The following UBE3B variants were observed in gnomAD, a reference collection of about 807,000 sequenced individuals.
The protein encoded by UBE3B is ubiquitin protein ligase E3B.
UBE3B carries 80 observed loss-of-function variants against 132.3 expected under a neutral mutation model. The observed-to-expected ratio is 0.60, with a 90% CI of 0.50 to 0.73. UBE3B has a LOEUF of 0.73. UBE3B is among the 30% of genes least tolerant of loss of function. The probability of loss-of-function intolerance (pLI) is 0.00; values close to 1 mark genes in which losing one functional copy is unlikely to be tolerated. For synonymous variants in UBE3B, 487 were observed against 520.4 expected (o/e 0.94, Z 0.87); for missense variants, 1,196 against 1,362.5 (o/e 0.88, Z 1.92).
chr12:109,511,502 C>T (rs995081742), intron 18 of UBE3B, among the ~76,000 whole-genome samples, 199 bp downstream of exon 18: 11 of 152,060 alleles, frequency 7.2e-5, no homozygotes, highest in Non-Finnish European at 8.8e-5. Flanking sequence ...TGTGAACTGG[C>T]GATGCTGGTG....
intron 1 of UBE3B, among the ~76,000 whole-genome samples, chr12:109,480,633 A>G (rs1317741982): frequency 6.7e-6 from 1 of 149,444 alleles, no homozygotes; most frequent in Non-Finnish European, 1.5e-5. Context: ...CTTGGATGAC[A>G]GAGCGAGACC....
At chr12:109,527,078 A>G (rs1035312982) in intron 24 of UBE3B, among the ~76,000 whole-genome samples, 1 of 152,236 alleles carries the variant, frequency 6.6e-6, no homozygotes. Context: ...GGGGAGGGGC[A>G]GATCATTTTG....
At chr12:109,531,088 A>G (rs1466792461) in intron 26 of UBE3B, among the ~76,000 whole-genome samples, 5 of 151,990 alleles carry the variant, frequency 3.3e-5, no homozygotes, top group Admixed American at 3.3e-4. Flanking sequence ...AACTCTCTAC[A>G]CTCCTACTCA....
Position 109,521,434 on chromosome 12 carries a change from C to G in UBE3B, c.2254-7C>G. On this transcript the variant is annotated splice_polypyrimidine_tract_variant and splice_region_variant and intron_variant, in intron 20 of 27. Coordinates refer to ENST00000342494, the MANE Select transcript of UBE3B (RefSeq NM_130466.4). The surrounding 1 kb of genome is among the most constrained non-coding windows in gnomAD (Gnocchi z 4.2). The stretch of plus-strand genomic sequence containing the variant: ...CCTCTGCCTCTCCCCGTCTTTTTGC[C>G]TTGCAGACAACCAGTGGGGATGAGA... 6.3e-7 allele frequency: 1 copy of G among 1,578,632 alleles called. No homozygotes were observed. Among genetic ancestry groups the G allele is most frequent in the East Asian group, 2.3e-5 (1 of 44,242 alleles).
At chr12:109,538,291 A>C (rs1169326789), downstream of UBE3B, among the ~76,000 whole-genome samples, 1 of 152,226 alleles carries the variant, frequency 6.6e-6, no homozygotes, top group Non-Finnish European at 1.5e-5. This position sits in a 1 kb window ranked among gnomAD's most constrained non-coding sequence, Gnocchi z 4.1. Context: ...GACCCCCTTA[A>C]GCCTCAGGCT....
In UBE3B at chr12:109,510,442, G is replaced by T; in HGVS notation, c.1840G>T (p.Asp614Tyr). The T allele has an allele frequency of 6.2e-7, 1 of 1,611,906 alleles. No individual in the cohort carries two copies. Among genetic ancestry groups the T allele is most frequent in the South Asian group, 1.1e-5 (1 of 90,430 alleles). ...CTGCCGGCGGCGCTTCACCCCCGAG[G>T]ACCACTGGCTGCGAAAGTGAGCTCC... is the stretch of plus-strand genomic sequence containing the variant. ...RDCRRRFTPE[D>Y]HWLRKDLKPS... The change falls in exon 17 of 28, where the codon GAC becomes TAC. Residue 614 changes from aspartate (D) to tyrosine (Y), a missense_variant. By Grantham distance (160) the Asp-to-Tyr change is radical. Coordinates refer to ENST00000342494, the MANE Select transcript of UBE3B (RefSeq NM_130466.4).
chr12:109,511,308 G>A lies in UBE3B; in HGVS notation c.1956+5G>A. 1 of 1,613,802 alleles carries A rather than the reference G, an allele frequency of 6.2e-7. No individual in the cohort carries two copies. On this transcript the variant is annotated splice_donor_5th_base_variant and intron_variant, in intron 18 of 27. Transcript: ENST00000342494. ...CATGTCATCCCTCACAAAAACGTGA[G>A]TTGCACTCAGAGCTGGGCCCCGATG... is the stretch of plus-strand genomic sequence containing the variant.
intron 4 of UBE3B, 71 bp downstream of exon 4, chr12:109,484,052 C>G: frequency 6.8e-7 from 1 of 1,478,288 alleles, no homozygotes. Flanking sequence ...GATATTAACT[C>G]AGTTCTTATA....
At chr12:109,488,901 T>G (rs1876959198) in intron 7 of UBE3B, among the ~76,000 whole-genome samples, 1 of 152,204 alleles carries the variant, frequency 6.6e-6, no homozygotes, top group Non-Finnish European at 1.5e-5. Flanking sequence ...AAAGTCATGG[T>G]TCTTCTGATT....
chr12:109,502,872 A>G, intron 13 of UBE3B, 151 bp from the exon 14 acceptor site: 1 of 926,410 alleles, frequency 1.1e-6, no homozygotes, highest in Non-Finnish European at 1.7e-6. Flanking sequence ...TTTCTAATTT[A>G]TCCCAAAGAA....
At chr12:109,519,171 G>A (rs891008351) in intron 19 of UBE3B, among the ~76,000 whole-genome samples, 1 of 152,186 alleles carries the variant, frequency 6.6e-6, no homozygotes. Flanking sequence ...GTCAAAGGCA[G>A]AACTGAGGCC....
intron 18 of UBE3B, among the ~76,000 whole-genome samples, chr12:109,515,817 G>A (rs1278062805): frequency 6.6e-6 from 1 of 152,190 alleles, no homozygotes; most frequent in Non-Finnish European, 1.5e-5. Context: ...CCAGGATGGG[G>A]CAAAGAGTCA....
chr12:109,518,652 T>C (rs1231313887), intron 19 of UBE3B, among the ~76,000 whole-genome samples: 5 of 152,204 alleles, frequency 3.3e-5, no homozygotes, highest in African/African-American at 4.8e-5. Context: ...TGGGGTGGTA[T>C]AGATTGCAGT....
In UBE3B at chr12:109,521,070, G is replaced by A. The variant is rs76334512; in HGVS notation, c.2077-78G>A. 2,267 of 1,536,242 alleles carry A rather than the reference G, an allele frequency of 1.5e-3. 36 individuals are homozygous for A. The African/African-American group carries it at 0.028, about 19-fold the overall frequency. ...TTGGTAATGATGCTGGGAGAGCTTC[G>A]CACAGAGGAGAGGGAACCCCGAATT... On this transcript the variant is annotated intron_variant, in intron 19 of 27. Coordinates refer to ENST00000342494, the MANE Select transcript of UBE3B (RefSeq NM_130466.4). The surrounding 1 kb of genome is among the most constrained non-coding windows in gnomAD (Gnocchi z 4.2).
chr12:109,523,543 A>C (rs967278519), intron 21 of UBE3B, among the ~76,000 whole-genome samples: 6 of 152,120 alleles, frequency 3.9e-5, no homozygotes, highest in Non-Finnish European at 7.4e-5. Context: ...TCCTCCCGGA[A>C]GCTCCCCAAC....
intron 11 of UBE3B, among the ~76,000 whole-genome samples, chr12:109,498,965 A>G (rs917894474): frequency 2.6e-5 from 4 of 151,892 alleles, no homozygotes; most frequent in Admixed American, 6.6e-5. Flanking sequence ...AGCTGGGACT[A>G]CAAGCGCACA....
intron 18 of UBE3B, 103 bp downstream of exon 18, chr12:109,511,406 T>C: frequency 6.9e-6 from 7 of 1,011,632 alleles, no homozygotes; most frequent in Non-Finnish European, 1.0e-5. Context: ...CTAAGTGGGA[T>C]CATTCATTCA....
chr12:109,490,763 T>A, intron 8 of UBE3B: 1 of 1,386,832 alleles, frequency 7.2e-7, no homozygotes, highest in Non-Finnish European at 9.4e-7. Context: ...CGTTACCCAA[T>A]ACTTTCTTCC....
chr12:109,483,908 A>G lies in UBE3B; in HGVS notation c.209A>G (p.Lys70Arg), dbSNP rs1875921601. 6.2e-7 allele frequency: 1 copy of G among 1,614,088 alleles called. No homozygotes were observed. The highest frequency in any genetic ancestry group is 1.1e-5 in the South Asian group (1 of 91,048). The change falls in exon 4 of 28, where the codon AAA becomes AGA. Residue 70 changes from lysine (K) to arginine (R), a missense_variant. Coordinates refer to ENST00000342494, the MANE Select transcript of UBE3B (RefSeq NM_130466.4). Reference protein sequence around the residue: ...FFKADDPESTKRSALCIFKIA... With the variant: ...FFKADDPESTRRSALCIFKIA... The stretch of plus-strand genomic sequence containing the variant: ...AAAGCAGATGACCCTGAGTCCACTA[A>G]AAGAAGTGCACTTTGTATTTTCAAG...
Sources: allele counts gnomAD v4.1 joint callset (sites outside exome capture counted in the v4.1 genomes callset), GRCh38; gene constraint gnomAD v4.1.1; non-coding constraint Gnocchi (gnomAD v3.1); transcripts MANE v1.5; gene names NCBI Gene and HGNC (gene_info 2026-07-23, HGNC 2026-07-21).